Variants in PYROXD1 observed in about 807,000 individuals in gnomAD.
The protein encoded by PYROXD1 is pyridine nucleotide-disulphide oxidoreductase domain 1.
Under a neutral mutation model 62.0 loss-of-function variants are expected in PYROXD1, and 42 were observed. That is an observed-to-expected ratio of 0.68 (90% CI 0.53 to 0.88). The LOEUF (loss-of-function observed/expected upper bound fraction) is 0.88. Among genes scored for constraint, PYROXD1 ranks in the 40% least tolerant of loss-of-function variants. The pLI is 0.00. For missense variants in PYROXD1, 493 were observed against 604.8 expected (o/e 0.82, Z 1.94); for synonymous variants, 170 against 206.4 (o/e 0.82, Z 1.51).
intron 4 of PYROXD1, among the ~76,000 whole-genome samples, chr12:21,451,372 C>T (rs1167758832): frequency 1.3e-5 from 2 of 151,806 alleles, no homozygotes; most frequent in African/African-American, 4.8e-5. Context: ...CCACTGGCTT[C>T]TCTAAGCTCA....
intron 2 of PYROXD1, among the ~76,000 whole-genome samples, chr12:21,443,423 C>T (rs892278351): frequency 6.6e-6 from 1 of 152,084 alleles, no homozygotes; most frequent in Non-Finnish European, 1.5e-5. Context: ...ATTAGTGTCT[C>T]AGAATACTTT....
intron 7 of PYROXD1, chr12:21,456,890 A>T (rs1942607627): frequency 2.2e-6 from 1 of 454,864 alleles, no homozygotes; most frequent in South Asian, 1.6e-5. Context: ...CCTCACCAGA[A>T]GTAAACTCCA....
chr12:21,456,666 G>A (rs2137271517), intron 7 of PYROXD1, among the ~76,000 whole-genome samples: 1 of 152,148 alleles, frequency 6.6e-6, no homozygotes, highest in East Asian at 1.9e-4. Context: ...TGAAGGTTTG[G>A]GTGGCTGTGG....
At chr12:21,450,500 T>A (rs1390063205) in intron 4 of PYROXD1, among the ~76,000 whole-genome samples, 1 of 152,150 alleles carries the variant, frequency 6.6e-6, no homozygotes, top group African/African-American at 2.4e-5. Context: ...ACTATCCCAA[T>A]AAGGTGAAAC....
At chr12:21,448,700 A>G (rs1942437805) in intron 3 of PYROXD1, among the ~76,000 whole-genome samples, 1 of 152,348 alleles carries the variant, frequency 6.6e-6, no homozygotes, top group Non-Finnish European at 1.5e-5. Flanking sequence ...TGGCACAAAC[A>G]TTAACCCCTA....
intron 2 of PYROXD1, among the ~76,000 whole-genome samples, chr12:21,443,209 A>G (rs1942328650): frequency 6.6e-6 from 1 of 152,148 alleles, no homozygotes; most frequent in Non-Finnish European, 1.5e-5. Flanking sequence ...CTAAATTTTT[A>G]ATCTTCTATT....
chr12:21,438,215 A>G (rs1419205676), intron 1 of PYROXD1: 1 of 162,102 alleles, frequency 6.2e-6, no homozygotes, highest in Non-Finnish European at 1.3e-5. Flanking sequence ...ATCTTGGCTT[A>G]ATGCAAGCTT....
chr12:21,451,807 G>T (rs1591945655), intron 4 of PYROXD1, among the ~76,000 whole-genome samples: 1 of 152,064 alleles, frequency 6.6e-6, no homozygotes, highest in South Asian at 2.1e-4. Flanking sequence ...GCCTCCTGCC[G>T]AAATTCTGAA....
intron 10 of PYROXD1, among the ~76,000 whole-genome samples, chr12:21,466,904 C>T (rs1400140167): frequency 6.6e-6 from 1 of 151,704 alleles, no homozygotes; most frequent in Non-Finnish European, 1.5e-5. Flanking sequence ...TCTTTTATAC[C>T]AGGGAGTCTC....
intron 3 of PYROXD1, among the ~76,000 whole-genome samples, chr12:21,445,972 A>G (rs1942379026): frequency 6.6e-6 from 1 of 152,184 alleles, no homozygotes; most frequent in Admixed American, 6.6e-5. Context: ...CATTCCAGGA[A>G]GGGGAGATTG....
intron 7 of PYROXD1, among the ~76,000 whole-genome samples, chr12:21,458,133 G>A (rs1432845306): frequency 6.6e-6 from 1 of 152,164 alleles, no homozygotes; most frequent in African/African-American, 2.4e-5. Context: ...CCACTGGAAG[G>A]CTGTTTCATG....
chr12:21,450,424 G>T (rs1291135499), intron 4 of PYROXD1, among the ~76,000 whole-genome samples: 1 of 152,070 alleles, frequency 6.6e-6, no homozygotes, highest in Non-Finnish European at 1.5e-5. Context: ...GATCTTTGTG[G>T]TACAAAATCA....
chr12:21,460,159 C>G lies in PYROXD1; in HGVS notation c.751-866C>G, dbSNP rs1942667659. Among the ~76,000 whole-genome samples the G allele has an allele frequency of 1.3e-5, 2 of 152,094 alleles. 1 individual carries two copies. Among genetic ancestry groups the G allele is most frequent in the South Asian group, 4.1e-4 (2 of 4,826 alleles). On this transcript the variant is annotated intron_variant, in intron 7 of 11. Coordinates refer to ENST00000240651, the MANE Select transcript of PYROXD1 (RefSeq NM_024854.5). ...TGGCTTTCAGTAGGTAGGAGGGGAGCTGGCTGCACGGTGTATCTAATTTTT... is the reference window on the plus strand; with the variant it reads ...TGGCTTTCAGTAGGTAGGAGGGGAGGTGGCTGCACGGTGTATCTAATTTTT...
intron 3 of PYROXD1, chr12:21,448,172 C>T: frequency 1.5e-6 from 1 of 665,200 alleles, no homozygotes; most frequent in Non-Finnish European, 2.9e-6. Flanking sequence ...ATTTCACATA[C>T]CTGGCATCAG....
chr12:21,438,946 C>G (rs1565541810), intron 1 of PYROXD1, among the ~76,000 whole-genome samples: 1 of 152,096 alleles, frequency 6.6e-6, no homozygotes. Flanking sequence ...TATGTCTATG[C>G]AAGAGATATC....
intron 5 of PYROXD1, among the ~76,000 whole-genome samples, chr12:21,453,660 T>C (rs909524847): frequency 6.6e-6 from 1 of 152,044 alleles, no homozygotes; most frequent in Admixed American, 6.6e-5. Flanking sequence ...CGTCAAACTG[T>C]GCATCTTGCT....
intron 7 of PYROXD1, among the ~76,000 whole-genome samples, chr12:21,456,439 C>T (rs1212445311): frequency 6.6e-6 from 1 of 152,118 alleles, no homozygotes; most frequent in African/African-American, 2.4e-5. Context: ...TTTCAGTTTC[C>T]CAGTGCCTGC....
intron 2 of PYROXD1, 46 bp from the exon 3 acceptor site, chr12:21,445,296 GAAAGA>G (rs749969936): frequency 8.9e-6 from 13 of 1,459,478 alleles, no homozygotes; most frequent in African/African-American, 8.6e-5. Context: ...TAAGATTCTT[GAAAGA>G]AAATACTTTA....
At chr12:21,453,201 C>A (rs1245137656) in intron 5 of PYROXD1, among the ~76,000 whole-genome samples, 2 of 152,068 alleles carry the variant, frequency 1.3e-5, no homozygotes, top group Non-Finnish European at 2.9e-5. Flanking sequence ...TTGTTATTTA[C>A]ATTTAAAAAT....
Sources: gnomAD v4.1 joint callset for allele counts (sites outside exome capture counted in the v4.1 genomes callset) on GRCh38, gnomAD v4.1.1 for gene constraint, MANE v1.5 for transcripts, NCBI Gene and HGNC (gene_info 2026-07-23, HGNC 2026-07-21) for gene names.